The following OR6N1 variants were observed in gnomAD, a reference collection of about 807,000 sequenced individuals.
The protein encoded by OR6N1 is olfactory receptor family 6 subfamily N member 1, also known as olfactory receptor 6N1.
For missense variants in OR6N1, 394 were observed against 371.7 expected (o/e 1.06, Z -0.49); for synonymous variants, 170 against 150.7 (o/e 1.13, Z -0.94).
At chr1:158,811,285 C>T in the OR6N1 span, among the ~76,000 whole-genome samples, 2 of 152,106 alleles carry the variant, frequency 1.3e-5, no homozygotes, top group Non-Finnish European at 2.9e-5. Context: ...TCTCCGTCTC[C>T]ACAACAATCT....
chr1:158,773,458 C>T (rs987451461), upstream of OR6N1, among the ~76,000 whole-genome samples: 2 of 152,098 alleles, frequency 1.3e-5, no homozygotes, highest in African/African-American at 4.8e-5. Context: ...CTAGAATATC[C>T]TCTATTCCTA....
the OR6N1 span, among the ~76,000 whole-genome samples, chr1:158,833,431 G>A: frequency 1.5e-4 from 23 of 152,190 alleles, 1 homozygote; most frequent in South Asian, 4.6e-3. Context: ...CCTCCAGAAC[G>A]CCTTTGCATC....
chr1:158,811,621 T>A, the OR6N1 span, among the ~76,000 whole-genome samples: 1 of 152,152 alleles, frequency 6.6e-6, no homozygotes, highest in Non-Finnish European at 1.5e-5. Flanking sequence ...GAAGCCCTGA[T>A]CCACTGGAGA....
At chr1:158,829,268 C>T in the OR6N1 span, among the ~76,000 whole-genome samples, 2 of 152,228 alleles carry the variant, frequency 1.3e-5, no homozygotes, top group East Asian at 3.8e-4. Context: ...CATTATTAGG[C>T]TGCAAATTTT....
chr1:158,826,813 G>T, the OR6N1 span, among the ~76,000 whole-genome samples: 1,221 of 152,242 alleles, frequency 8.0e-3, 18 homozygotes, highest in African/African-American at 0.028. Context: ...AACAATATGT[G>T]TGAAATAACA....
At chr1:158,777,735 A>C in the OR6N1 span, 1 of 723,110 alleles carries the variant, frequency 1.4e-6, no homozygotes, top group Non-Finnish European at 2.3e-6. Context: ...TTTAACTTAA[A>C]AGTAGCACTG....
At chr1:158,812,111 G>C in the OR6N1 span, among the ~76,000 whole-genome samples, 1 of 152,144 alleles carries the variant, frequency 6.6e-6, no homozygotes, top group African/African-American at 2.4e-5. Flanking sequence ...CCAATTTGCA[G>C]CTTTATCTAT....
chr1:158,820,185 G>A, the OR6N1 span, among the ~76,000 whole-genome samples: 156 of 152,344 alleles, frequency 1.0e-3, no homozygotes, highest in African/African-American at 3.5e-3. Flanking sequence ...TCCTTAAGCA[G>A]TTTTCCTCCC....
At chr1:158,802,454 C>T in the OR6N1 span, among the ~76,000 whole-genome samples, 1 of 152,032 alleles carries the variant, frequency 6.6e-6, no homozygotes, top group South Asian at 2.1e-4. Context: ...GTGATCCACC[C>T]GCCTTGGCCT....
chr1:158,804,394 G>C, the OR6N1 span, among the ~76,000 whole-genome samples: 1 of 152,140 alleles, frequency 6.6e-6, no homozygotes, highest in Non-Finnish European at 1.5e-5. Flanking sequence ...TCATCATTTT[G>C]TTGTATTTTG....
the OR6N1 span, among the ~76,000 whole-genome samples, chr1:158,830,427 T>C: frequency 6.6e-6 from 1 of 152,238 alleles, no homozygotes; most frequent in Non-Finnish European, 1.5e-5. Flanking sequence ...TCTCTGTAGA[T>C]GGCCTTGGAT....
chr1:158,792,396 A>C, the OR6N1 span, among the ~76,000 whole-genome samples: 8 of 152,152 alleles, frequency 5.3e-5, no homozygotes, highest in East Asian at 3.9e-4. Flanking sequence ...ATTTACATTC[A>C]ATGTTAATAT....
the OR6N1 span, among the ~76,000 whole-genome samples, chr1:158,818,568 G>A: frequency 3.9e-5 from 6 of 152,292 alleles, no homozygotes; most frequent in South Asian, 2.1e-4. Flanking sequence ...GATGAGCTCT[G>A]AAAAGCTGTA....
chr1:158,817,923 A>G, the OR6N1 span, among the ~76,000 whole-genome samples: 1 of 152,226 alleles, frequency 6.6e-6, no homozygotes, highest in African/African-American at 2.4e-5. Context: ...GCTATAACTC[A>G]GACCTTAGAT....
At chr1:158,830,920 A>C in the OR6N1 span, among the ~76,000 whole-genome samples, 12 of 152,154 alleles carry the variant, frequency 7.9e-5, no homozygotes, top group African/African-American at 2.7e-4. Context: ...AAACAAAAAC[A>C]ATTTCACAGT....
At chr1:158,798,001 T>G in the OR6N1 span, among the ~76,000 whole-genome samples, 18,024 of 152,074 alleles carry the variant, frequency 0.12, 1,403 homozygotes, top group South Asian at 0.35. Flanking sequence ...ATTTATAATT[T>G]TTTAGAAATG....
the OR6N1 span, chr1:158,831,325 A>T: frequency 9.2e-5 from 14 of 152,198 alleles, no homozygotes; most frequent in Admixed American, 9.2e-4. Context: ...TGATTACATA[A>T]CTTCTTTCTA....
chr1:158,765,786 C>T lies in OR6N1; in HGVS notation c.897G>A (p.Glu299=). Residue 299 remains glutamate (E), a synonymous_variant, in exon 2 of 2, where the codon GAG becomes GAA. Transcript: ENST00000641846. The part of the protein sequence containing the change: ...IYSLRNKEIK[E]AVRRQLKRIG... The stretch of plus-strand genomic sequence containing the variant: ...TTCTCTTTAGCTGCCTCCTCACAGC[C>T]TCCTTGATCTCCTTGTTGCGCAAGC... 1 of 1,614,142 alleles carries T rather than the reference C, an allele frequency of 6.2e-7. No individual in the cohort carries two copies. The highest frequency in any genetic ancestry group is 1.1e-5 in the South Asian group (1 of 91,076).
At chr1:158,785,055 T>C in the OR6N1 span, among the ~76,000 whole-genome samples, 1 of 152,180 alleles carries the variant, frequency 6.6e-6, no homozygotes, top group Non-Finnish European at 1.5e-5. Flanking sequence ...CTTTGTTCCA[T>C]ATTTGCATGT....
Sources: allele counts gnomAD v4.1 joint callset (sites outside exome capture counted in the v4.1 genomes callset), GRCh38; gene constraint gnomAD v4.1.1; transcripts MANE v1.5; gene names NCBI Gene and HGNC (gene_info 2026-07-23, HGNC 2026-07-21).